Variants in SFXN5 observed in about 807,000 individuals in gnomAD.
SFXN5 encodes sideroflexin 5, also known as sideroflexin-5.
In SFXN5, 43 loss-of-function variants were observed where a neutral mutation model predicts 50.2. The observed-to-expected ratio is 0.86, with a 90% CI of 0.67 to 1.11. SFXN5 has a LOEUF of 1.11. SFXN5 is among the 50% of genes least tolerant of loss of function. SFXN5 has a pLI of 0.00. For synonymous variants in SFXN5, 203 were observed against 185.8 expected (o/e 1.09, Z -0.75); for missense variants, 463 against 454.1 (o/e 1.02, Z -0.18).
intron 6 of SFXN5, among the ~76,000 whole-genome samples, chr2:73,013,205 G>A (rs1296386594): frequency 6.6e-6 from 1 of 152,100 alleles, no homozygotes; most frequent in East Asian, 1.9e-4. Context: ...TTAAATGTAA[G>A]TAGCCTTTTT....
At chr2:73,041,569 A>C (rs1679651306) in intron 2 of SFXN5, 1 of 369,926 alleles carries the variant, frequency 2.7e-6, no homozygotes, top group South Asian at 2.0e-5. Context: ...GCATGCCTGT[A>C]ATCCCAGCTA....
intron 1 of SFXN5, chr2:73,059,965 T>C (rs1008193208): frequency 8.4e-6 from 6 of 711,832 alleles, no homozygotes; most frequent in African/African-American, 1.9e-5. Context: ...CTGAATACTA[T>C]GCAGCCTTTA....
intron 6 of SFXN5, among the ~76,000 whole-genome samples, chr2:73,014,121 T>C (rs1440589628): frequency 6.6e-6 from 1 of 152,214 alleles, no homozygotes; most frequent in East Asian, 1.9e-4. Context: ...TTCCACTGCG[T>C]GACTAAGCCA....
At chr2:73,008,095 C>T (rs1272143935) in intron 6 of SFXN5, among the ~76,000 whole-genome samples, 1 of 152,126 alleles carries the variant, frequency 6.6e-6, no homozygotes, top group Admixed American at 6.5e-5. Context: ...CTGGGAAACA[C>T]CCCTGGAGAT....
chr2:73,016,704 A>G (rs1394199606), intron 6 of SFXN5, among the ~76,000 whole-genome samples: 1 of 152,132 alleles, frequency 6.6e-6, no homozygotes, highest in Non-Finnish European at 1.5e-5. Flanking sequence ...ACTCTGTCTA[A>G]AACAAACAAA....
chr2:73,065,775 G>A (rs1000445342), intron 1 of SFXN5, among the ~76,000 whole-genome samples: 9 of 151,908 alleles, frequency 5.9e-5, no homozygotes, highest in Non-Finnish European at 1.2e-4. Flanking sequence ...GGCTGATCTC[G>A]AACTCCTGTC....
Position 72,971,647 on chromosome 2 carries a change from C to T in SFXN5, c.664G>A (p.Gly222Arg), listed in dbSNP as rs781471672. The T allele has an allele frequency of 1.1e-5, 18 of 1,613,932 alleles. No individual in the cohort carries two copies. In the East Asian group the frequency reaches 1.8e-4, roughly 16 times the overall value. The change falls in exon 11 of 14, where the codon GGG (glycine) becomes AGG (arginine). Residue 222 changes from glycine (G) to arginine (R), a missense_variant. By Grantham distance (125) the Gly-to-Arg change is moderately radical. Coordinates refer to ENST00000272433, the MANE Select transcript of SFXN5 (RefSeq NM_144579.3). ...ACATCAATCCCTTCCTCCAGCTCCC[C>T]GTACCGCATCAGGACCACATTGCAG... ...NICNVVLMRY[G>R]ELEEGIDVLD...
At chr2:73,058,488 C>A in intron 2 of SFXN5, 40 bp downstream of exon 2, 1 of 1,591,030 alleles carries the variant, frequency 6.3e-7, no homozygotes, top group Non-Finnish European at 8.6e-7. Context: ...TGACAAGGTA[C>A]AAAGGCCCAA....
intron 1 of SFXN5, chr2:73,059,350 A>G (rs1682557002): frequency 1.0e-5 from 10 of 985,300 alleles, no homozygotes; most frequent in Non-Finnish European, 1.1e-5. Context: ...GATGAAGGGG[A>G]AGCTGCAATC....
intron 10 of SFXN5, 150 bp from the exon 11 acceptor site, chr2:72,971,835 A>C (rs1025799371): frequency 1.5e-5 from 9 of 592,464 alleles, no homozygotes; most frequent in Non-Finnish European, 2.4e-5. Flanking sequence ...TCTGTTGTCC[A>C]TCTGCCTATC....
chr2:73,021,725 G>A (rs1171706629), intron 5 of SFXN5, among the ~76,000 whole-genome samples: 6 of 152,166 alleles, frequency 3.9e-5, no homozygotes. Flanking sequence ...CAGCAGCAGT[G>A]CCCTCCCATT....
intron 3 of SFXN5, among the ~76,000 whole-genome samples, chr2:73,024,426 GCAGGA>G (rs1259509673): frequency 1.3e-5 from 2 of 152,230 alleles, no homozygotes; most frequent in Non-Finnish European, 2.9e-5. Context: ...GGAGGCCAAA[GCAGGA>G]GGATTGCTGA....
rs755540333 is a variant in SFXN5 at position 72,953,114 on chromosome 2, C to A, written c.946-8015G>T. ...GTGTATGTGTGCGAGCCTGTGTGCA[C>A]GCGCAGGTTTGGGGTGGGGGTGTGG... On this transcript the variant is annotated intron_variant, in intron 13 of 13. Transcript: ENST00000272433. The surrounding 1 kb of genome is among the most constrained non-coding windows in gnomAD (Gnocchi z 4.1). Among the ~76,000 whole-genome samples the A allele has an allele frequency of 6.6e-6, 1 of 152,126 alleles. No homozygotes were observed. The highest frequency in any genetic ancestry group is 2.4e-5 in the African/African-American group (1 of 41,440).
chr2:73,008,893 T>A (rs946159442), intron 6 of SFXN5, among the ~76,000 whole-genome samples: 2 of 152,168 alleles, frequency 1.3e-5, no homozygotes, highest in African/African-American at 4.8e-5. Flanking sequence ...GGCACCAGCC[T>A]CTGGGAGAAA....
chr2:73,047,537 T>C (rs138344439), intron 2 of SFXN5, among the ~76,000 whole-genome samples: 12 of 151,352 alleles, frequency 7.9e-5, no homozygotes, highest in East Asian at 3.9e-4. Flanking sequence ...GTGGAGATAA[T>C]TGAATCATGG....
intron 1 of SFXN5, chr2:73,071,115 G>A (rs1683566062): frequency 6.4e-6 from 1 of 155,692 alleles, no homozygotes; most frequent in East Asian, 1.9e-4. Context: ...TGACCGCGGG[G>A]CGCGACGCTG....
chr2:73,011,789 G>GTGTT (rs1675534829), intron 6 of SFXN5, among the ~76,000 whole-genome samples: 2 of 152,180 alleles, frequency 1.3e-5, no homozygotes, highest in African/African-American at 4.8e-5. Flanking sequence ...CAAAAGCATG[G>GTGTT]AGAAATATAG....
intron 9 of SFXN5, 154 bp downstream of exon 9, chr2:72,998,795 G>A (rs1157955574): frequency 2.0e-5 from 15 of 737,268 alleles, no homozygotes; most frequent in South Asian, 5.4e-5. Context: ...GCCTCTTCTC[G>A]GCTTGGAAAG....
intron 2 of SFXN5, among the ~76,000 whole-genome samples, chr2:73,051,091 C>G (rs1055168631): frequency 6.6e-6 from 1 of 152,108 alleles, no homozygotes; most frequent in African/African-American, 2.4e-5. Context: ...ATTTCCAATA[C>G]CTTGTTCCTC....
Sources: gnomAD v4.1 joint callset for allele counts (sites outside exome capture counted in the v4.1 genomes callset) on GRCh38, gnomAD v4.1.1 for gene constraint, Gnocchi (gnomAD v3.1) non-coding constraint, MANE v1.5 for transcripts, NCBI Gene and HGNC (gene_info 2026-07-23, HGNC 2026-07-21) for gene names.